LHFPL3: variants seen among roughly 807,000 people sequenced by gnomAD.
LHFPL3 encodes LHFPL tetraspan subfamily member 3 protein.
A neutral mutation model predicts 19.3 loss-of-function variants in LHFPL3; 5 were observed. The ratio of observed to expected loss-of-function variants is 0.26; its 90% CI spans 0.14 to 0.54. The LOEUF (loss-of-function observed/expected upper bound fraction) is 0.54. LHFPL3 is among the 20% of genes least tolerant of loss of function. The pLI is 0.94. For synonymous variants in LHFPL3, 133 were observed against 126.2 expected, an observed-to-expected ratio of 1.05 and a Z score of -0.36; for missense variants, 249 against 307.4, an observed-to-expected ratio of 0.81 and a Z score of 1.42.
chr7:104,444,982 C>T lies in LHFPL3; in HGVS notation c.445+115758C>T, dbSNP rs531388636. ...CAGCCTGGGCAACAAGAGTGAAACT[C>T]CGTCTCCAAAAAAAAAAAAGAATAT... On this transcript the variant is annotated intron_variant, in intron 1 of 2. Transcript: ENST00000424859. Among the ~76,000 whole-genome samples, 5 of 148,450 alleles carry T rather than the reference C, an allele frequency of 3.4e-5. No homozygotes were observed. In the East Asian group the frequency reaches 9.9e-4, roughly 29 times the overall value.
chr7:104,430,055 G>A (rs1384111715), intron 1 of LHFPL3, among the ~76,000 whole-genome samples: 1 of 151,926 alleles, frequency 6.6e-6, no homozygotes, highest in Non-Finnish European at 1.5e-5. Context: ...GTGTAATAGT[G>A]AGTTATTTAG....
At chr7:104,883,583 G>A (rs1021047033) in intron 2 of LHFPL3, among the ~76,000 whole-genome samples, 5 of 152,088 alleles carry the variant, frequency 3.3e-5, no homozygotes, top group Non-Finnish European at 5.9e-5. Context: ...GGAAGGTGAG[G>A]TGTGTGCAGC....
intron 1 of LHFPL3, among the ~76,000 whole-genome samples, chr7:104,485,889 C>T (rs1420705713): frequency 6.6e-6 from 1 of 152,102 alleles, no homozygotes; most frequent in Non-Finnish European, 1.5e-5. Context: ...GTTTTCTGTC[C>T]TTGTGTCTAT....
chr7:104,497,875 G>A (rs1562916644), intron 1 of LHFPL3, among the ~76,000 whole-genome samples: 1 of 152,158 alleles, frequency 6.6e-6, no homozygotes, highest in Non-Finnish European at 1.5e-5. Context: ...TGACACCTGA[G>A]TCACAAGGTC....
intron 1 of LHFPL3, among the ~76,000 whole-genome samples, chr7:104,560,367 T>C (rs1243117463): frequency 2.7e-5 from 4 of 145,996 alleles, no homozygotes; most frequent in Admixed American, 6.8e-5. Context: ...ATCCTGTTAT[T>C]GGTCTATTCA....
chr7:104,766,666 A>T (rs1047811409), intron 2 of LHFPL3, among the ~76,000 whole-genome samples: 3 of 152,198 alleles, frequency 2.0e-5, no homozygotes, highest in African/African-American at 7.2e-5. Context: ...CCATACTTCT[A>T]ATCTTGTGCA....
At chr7:104,859,963 T>TA (rs1791583618) in intron 2 of LHFPL3, among the ~76,000 whole-genome samples, 1 of 152,186 alleles carries the variant, frequency 6.6e-6, no homozygotes, top group Admixed American at 6.5e-5. Context: ...GGGAACTCTG[T>TA]ACCTTCTGCT....
At position 104,591,020 on chromosome 7, in the gene LHFPL3, A is replaced by T. The variant is rs997804344; in HGVS notation, c.446-145655A>T. On this transcript the variant is annotated intron_variant, in intron 1 of 2. Transcript: ENST00000424859. ...GCTTGTGTGTGTCTCTGCACATAAG[A>T]TGGGTCTCCCGAATAGAGCACACTG... Among the ~76,000 whole-genome samples the T allele has an allele frequency of 3.9e-5, 6 of 152,240 alleles. No homozygotes were observed. The East Asian group carries it at 1.2e-3, about 29-fold the overall frequency.
At chr7:104,582,209 A>G (rs1790474126) in intron 1 of LHFPL3, among the ~76,000 whole-genome samples, 1 of 151,752 alleles carries the variant, frequency 6.6e-6, no homozygotes, top group African/African-American at 2.4e-5. Context: ...CCTTTTTAAT[A>G]TGTTTGTTTT....
intron 1 of LHFPL3, among the ~76,000 whole-genome samples, chr7:104,411,184 A>G (rs17137410): frequency 0.017 from 2,594 of 152,290 alleles, 69 homozygotes; most frequent in African/African-American, 0.059. Context: ...TTTTGAATAT[A>G]TTAACCTCTT....
Position 104,425,351 on chromosome 7 carries a change from G to A in LHFPL3, c.445+96127G>A, listed in dbSNP as rs1311896370. Among the ~76,000 whole-genome samples, 4 of 147,100 alleles carry A rather than the reference G, an allele frequency of 2.7e-5. 1 individual carries two copies. In the South Asian group the frequency reaches 6.4e-4, roughly 23 times the overall value. The stretch of plus-strand genomic sequence containing the variant: ...TCCAACACGTAGTTTTGTGACCTTT[G>A]TTGACCTCTCTGAGTCTGTTTTCTT... On this transcript the variant is annotated intron_variant, in intron 1 of 2. Coordinates refer to ENST00000424859, the MANE Select transcript of LHFPL3 (RefSeq NM_199000.3).
chr7:104,368,987 C>T (rs17137052), intron 1 of LHFPL3, among the ~76,000 whole-genome samples: 11,040 of 152,154 alleles, frequency 0.073, 425 homozygotes, highest in Middle Eastern at 0.092. Context: ...ATATTCACAG[C>T]GATCTTATGA....
chr7:104,542,297 T>C (rs1794500714), intron 1 of LHFPL3, among the ~76,000 whole-genome samples: 2 of 152,184 alleles, frequency 1.3e-5, no homozygotes, highest in South Asian at 4.2e-4. Flanking sequence ...TTTGTTTCCC[T>C]AAGCAAGATA....
chr7:104,597,795 AATGTGAATTATG>A (rs1790892162), intron 1 of LHFPL3, among the ~76,000 whole-genome samples: 1 of 152,178 alleles, frequency 6.6e-6, no homozygotes, highest in South Asian at 2.1e-4. Flanking sequence ...GTTCATAGAA[AATGTGAATTATG>A]AAAAAGCTAT....
chr7:104,536,329 G>C (rs1449388053), intron 1 of LHFPL3, among the ~76,000 whole-genome samples: 2 of 152,072 alleles, frequency 1.3e-5, no homozygotes, highest in Non-Finnish European at 2.9e-5. Flanking sequence ...ATCATGGAAA[G>C]CAAATGGATG....
chr7:104,743,118 C>T (rs1320237547), intron 2 of LHFPL3, among the ~76,000 whole-genome samples: 1 of 151,842 alleles, frequency 6.6e-6, no homozygotes, highest in Non-Finnish European at 1.5e-5. Context: ...GAGACTCCAT[C>T]TCAAAAAACA....
At chr7:104,696,280 A>G (rs1046966738) in intron 1 of LHFPL3, among the ~76,000 whole-genome samples, 2 of 152,212 alleles carry the variant, frequency 1.3e-5, no homozygotes, top group Non-Finnish European at 2.9e-5. Context: ...TTTCATTTGT[A>G]AACTAGGATT....
At chr7:104,705,006 G>A (rs1299336408) in intron 1 of LHFPL3, among the ~76,000 whole-genome samples, 1 of 152,060 alleles carries the variant, frequency 6.6e-6, no homozygotes, top group African/African-American at 2.4e-5. Flanking sequence ...CTCCTTTCCA[G>A]TATCACAAAT....
chr7:104,721,481 A>G (rs1434103318), intron 1 of LHFPL3, among the ~76,000 whole-genome samples: 2 of 152,174 alleles, frequency 1.3e-5, no homozygotes, highest in Non-Finnish European at 2.9e-5. Flanking sequence ...TGGCACATGT[A>G]TACCTGTGTA....
Sources: gnomAD v4.1 joint callset for allele counts (sites outside exome capture counted in the v4.1 genomes callset) on GRCh38, gnomAD v4.1.1 for gene constraint, MANE v1.5 for transcripts, NCBI Gene and HGNC (gene_info 2026-07-23, HGNC 2026-07-21) for gene names.